The following MCTP1 variants were observed in gnomAD, a reference collection of about 807,000 sequenced individuals.
MCTP1 encodes multiple C2 and transmembrane domain-containing protein 1.
A neutral mutation model predicts 120.6 loss-of-function variants in MCTP1; 69 were observed. The ratio of observed to expected loss-of-function variants is 0.57; its 90% confidence interval spans 0.47 to 0.70. The LOEUF is 0.70. Ranked by LOEUF, MCTP1 falls within the 30% of genes least tolerant of loss-of-function variation. The pLI is 0.00. For missense variants in MCTP1, 1,203 were observed against 1,248.8 expected (o/e 0.96, Z 0.55); for synonymous variants, 529 against 493.1 (o/e 1.07, Z -0.96).
chr5:95,156,003 A>G (rs1005561975), intron 1 of MCTP1, among the ~76,000 whole-genome samples: 1 of 152,238 alleles, frequency 6.6e-6, no homozygotes, highest in Non-Finnish European at 1.5e-5. Context: ...GGTGGCCTCT[A>G]GGAGCTGAAA....
intron 20 of MCTP1, among the ~76,000 whole-genome samples, chr5:94,712,551 T>TC (rs1409424267): frequency 2.0e-5 from 3 of 152,122 alleles, no homozygotes; most frequent in Non-Finnish European, 4.4e-5. Context: ...TTGCTTTTTG[T>TC]CTCTCTCTAG....
chr5:94,963,473 T>C lies in MCTP1; in HGVS notation c.839-10112A>G, dbSNP rs558440561. On this transcript the variant is annotated intron_variant, in intron 2 of 22. Coordinates refer to ENST00000515393, the MANE Select transcript of MCTP1 (RefSeq NM_024717.7). The stretch of plus-strand genomic sequence containing the variant: ...TCCAGATCCTGTCCAACACTTGTTT[T>C]CTTTTTTTTTTTTTAATAATAGCCA... Among the ~76,000 whole-genome samples the C allele has an allele frequency of 5.7e-5, 7 of 122,056 alleles. No individual in the cohort carries two copies. In the East Asian group the frequency reaches 1.5e-3, roughly 26 times the overall value. The allele number at this position is 122,056 out of a possible 152,430, so 80.1% of individuals were successfully genotyped here.
chr5:94,990,514 C>A (rs1427018395), intron 2 of MCTP1, among the ~76,000 whole-genome samples: 2 of 152,156 alleles, frequency 1.3e-5, no homozygotes, highest in African/African-American at 4.8e-5. Context: ...CTCTTCAAGG[C>A]CAGCAAGAGG....
At chr5:95,250,698 A>G (rs1032283700) in intron 1 of MCTP1, among the ~76,000 whole-genome samples, 4 of 152,230 alleles carry the variant, frequency 2.6e-5, no homozygotes, top group Non-Finnish European at 5.9e-5. Flanking sequence ...TTTAAACAGA[A>G]TAACTTATGT....
chr5:95,260,877 C>T (rs1252390845), intron 1 of MCTP1, among the ~76,000 whole-genome samples: 1 of 152,036 alleles, frequency 6.6e-6, no homozygotes, highest in Non-Finnish European at 1.5e-5. Flanking sequence ...GAGCAATTTC[C>T]AATTTTTCTA....
chr5:95,155,822 T>C (rs369664477), intron 1 of MCTP1, among the ~76,000 whole-genome samples: 1 of 152,170 alleles, frequency 6.6e-6, no homozygotes, highest in Non-Finnish European at 1.5e-5. Context: ...AGAGATGTGA[T>C]TACGATAGGA....
intron 19 of MCTP1, among the ~76,000 whole-genome samples, chr5:94,742,566 G>A (rs1765767423): frequency 6.6e-6 from 1 of 152,114 alleles, no homozygotes; most frequent in East Asian, 1.9e-4. Context: ...AGAATCATGA[G>A]CTAATGATCC....
chr5:95,087,801 C>G (rs574484578), intron 1 of MCTP1, among the ~76,000 whole-genome samples: 1 of 152,238 alleles, frequency 6.6e-6, no homozygotes, highest in South Asian at 2.1e-4. Context: ...CTGAGAACAG[C>G]TTGCCCTTCT....
intron 17 of MCTP1, among the ~76,000 whole-genome samples, chr5:94,860,507 T>G (rs898021611): frequency 4.0e-5 from 6 of 151,762 alleles, no homozygotes; most frequent in African/African-American, 1.4e-4. Flanking sequence ...CACCTGTCCT[T>G]TAATTGGACT....
chr5:95,097,864 T>C (rs1756392295), intron 1 of MCTP1, among the ~76,000 whole-genome samples: 1 of 152,230 alleles, frequency 6.6e-6, no homozygotes, highest in Non-Finnish European at 1.5e-5. Flanking sequence ...ATGGTAGTTG[T>C]ATTTACTCAG....
At chr5:94,799,395 GTT>G (rs1580751532) in intron 17 of MCTP1, among the ~76,000 whole-genome samples, 1 of 152,102 alleles carries the variant, frequency 6.6e-6, no homozygotes, top group South Asian at 2.1e-4. Flanking sequence ...CGAAATTTGA[GTT>G]TTTCTCCTCC....
intron 19 of MCTP1, among the ~76,000 whole-genome samples, chr5:94,723,064 A>G (rs965950914): frequency 6.6e-6 from 1 of 152,152 alleles, no homozygotes; most frequent in Non-Finnish European, 1.5e-5. Context: ...TCTTTTTCAG[A>G]TATAAAAAAA....
In MCTP1 at chr5:94,706,355, A is replaced by G. The variant is rs948806711; in HGVS notation, c.*1141T>C. The G allele has an allele frequency of 6.6e-6, 1 of 151,792 alleles. No homozygotes were observed. The highest frequency in any genetic ancestry group is 2.1e-4 in the South Asian group (1 of 4,820). The allele number at this position is 151,792 out of a possible 1,614,324, so 9.4% of individuals were successfully genotyped here. On this transcript the variant is annotated 3_prime_UTR_variant, in exon 23 of 23. Transcript: ENST00000515393. ...GCAATTTTTAAGTATAGATTCTATGATAATAGTGAAACATTGATAAAGGCA... is the reference window on the plus strand; with the variant it reads ...GCAATTTTTAAGTATAGATTCTATGGTAATAGTGAAACATTGATAAAGGCA...
At chr5:94,953,397 A>C (rs1269087548) in intron 2 of MCTP1, 36 bp from the exon 3 acceptor site, 20 of 1,504,916 alleles carry the variant, frequency 1.3e-5, no homozygotes, top group Non-Finnish European at 1.8e-5. Flanking sequence ...GTTAATCATG[A>C]CTTGGTTTGG....
chr5:95,014,695 T>G (rs548662503), intron 2 of MCTP1, among the ~76,000 whole-genome samples: 7 of 152,286 alleles, frequency 4.6e-5, no homozygotes, highest in African/African-American at 1.7e-4. Context: ...CTCTATTTTA[T>G]TCCTTTAGAC....
intron 1 of MCTP1, among the ~76,000 whole-genome samples, chr5:95,216,591 C>T (rs1036415302): frequency 1.3e-5 from 2 of 152,154 alleles, no homozygotes; most frequent in African/African-American, 4.8e-5. Context: ...CAGAGGAAAT[C>T]CCACCAGATG....
chr5:95,137,335 T>A (rs1759521694), intron 1 of MCTP1, among the ~76,000 whole-genome samples: 1 of 152,252 alleles, frequency 6.6e-6, no homozygotes, highest in African/African-American at 2.4e-5. Flanking sequence ...CTCAGCATTG[T>A]CGTCAATAAC....
At chr5:94,887,161 A>G (rs942491509) in intron 12 of MCTP1, among the ~76,000 whole-genome samples, 2 of 152,108 alleles carry the variant, frequency 1.3e-5, no homozygotes, top group African/African-American at 2.4e-5. Context: ...AAAGTGGAGG[A>G]AAAAAATGGA....
At chr5:95,064,881 T>G (rs1218054214) in intron 1 of MCTP1, among the ~76,000 whole-genome samples, 2 of 152,260 alleles carry the variant, frequency 1.3e-5, no homozygotes, top group Non-Finnish European at 2.9e-5. Flanking sequence ...TATAACCACT[T>G]CAAAAATGAT....
Sources: gnomAD v4.1 joint callset for allele counts (sites outside exome capture counted in the v4.1 genomes callset) on GRCh38, gnomAD v4.1.1 for gene constraint, MANE v1.5 for transcripts, NCBI Gene and HGNC (gene_info 2026-07-23, HGNC 2026-07-21) for gene names.